PDCD6: variants seen among roughly 807,000 people sequenced by gnomAD.
The protein encoded by PDCD6 is programmed cell death protein 6.
Under a neutral mutation model 28.3 loss-of-function variants are expected in PDCD6, and 12 were observed. That is an observed-to-expected ratio of 0.42 (90% CI 0.27 to 0.69). The LOEUF (loss-of-function observed/expected upper bound fraction) is 0.69, where lower values mean the gene tolerates loss of function less well. PDCD6 is among the 30% of genes least tolerant of loss of function. The pLI is 0.22. For synonymous variants in PDCD6, 92 were observed against 108.0 expected (o/e 0.85, Z 0.92); for missense variants, 226 against 269.9 (o/e 0.84, Z 1.14).
intron 2 of PDCD6, among the ~76,000 whole-genome samples, chr5:302,751 T>A (rs1240263945): frequency 6.8e-6 from 1 of 147,998 alleles, no homozygotes; most frequent in Non-Finnish European, 1.5e-5. Flanking sequence ...GAGCACAGCT[T>A]CCCTGCATAA....
chr5:293,095 A>C, intron 2 of PDCD6, among the ~76,000 whole-genome samples: 2 of 151,210 alleles, frequency 1.3e-5, no homozygotes, highest in African/African-American at 2.4e-5. Flanking sequence ...CCCCATCAGC[A>C]CCTCCCCCTG....
intron 2 of PDCD6, chr5:273,198 C>A (rs989133154): frequency 1.6e-4 from 29 of 183,366 alleles, no homozygotes; most frequent in African/African-American, 3.3e-4. Context: ...CTCAGGCAGC[C>A]CTTGTATGGG....
At chr5:299,860 T>TG (rs1554007467) in intron 2 of PDCD6, among the ~76,000 whole-genome samples, 28 of 152,066 alleles carry the variant, frequency 1.8e-4, no homozygotes, top group African/African-American at 6.8e-4. Context: ...GTATTTTTTT[T>TG]TTTATTTTTT....
intron 2 of PDCD6, among the ~76,000 whole-genome samples, chr5:274,183 CCCT>C (rs1738033908): frequency 6.6e-6 from 1 of 152,192 alleles, no homozygotes; most frequent in African/African-American, 2.4e-5. Flanking sequence ...ACACGGAGTG[CCCT>C]CCTCAGAGGC....
chr5:302,407 CT>C (rs1204164970), intron 2 of PDCD6, among the ~76,000 whole-genome samples: 1 of 94,296 alleles, frequency 1.1e-5, no homozygotes, highest in Non-Finnish European at 1.9e-5. Flanking sequence ...GTGTGTATGC[CT>C]CAGGTTCAGG....
chr5:314,674 T>A lies in PDCD6; in HGVS notation c.*159T>A, dbSNP rs1300558294. On this transcript the variant is annotated 3_prime_UTR_variant, in exon 6 of 6. Transcript: ENST00000264933. ...GTACATATGTGGATAAGCTGATTAA[T>A]GGTTTTGCAACTGTAATAGTAGCTG... is the stretch of plus-strand genomic sequence containing the variant. The A allele has an allele frequency of 5.7e-6, 4 of 698,866 alleles. No homozygotes were observed. The highest frequency in any genetic ancestry group is 7.8e-6 in the Non-Finnish European group (3 of 382,806). 43.3% of individuals were successfully genotyped at this position (698,866 alleles called of 1,614,324 possible).
At chr5:297,712 GC>G (rs910365882) in intron 2 of PDCD6, among the ~76,000 whole-genome samples, 40 of 152,234 alleles carry the variant, frequency 2.6e-4, no homozygotes, top group African/African-American at 9.6e-4. Context: ...ATGACACCAG[GC>G]CTCCTGGTGA....
At chr5:278,692 G>T (rs1187057487) in intron 2 of PDCD6, among the ~76,000 whole-genome samples, 1 of 150,816 alleles carries the variant, frequency 6.6e-6, no homozygotes, top group African/African-American at 2.4e-5. Context: ...CAGCCTGGGT[G>T]ACAGAGCCAG....
rs1445812754 is a variant in PDCD6 at position 305,629 on chromosome 5, G to A, written c.209-973G>A. 2.0e-5 allele frequency: 3 copies of A among 152,228 alleles called. No homozygotes were observed. Among genetic ancestry groups the A allele is most frequent in the Non-Finnish European group, 4.4e-5 (3 of 68,044 alleles). The allele number at this position is 152,228 out of a possible 1,614,324, so 9.4% of individuals were successfully genotyped here. A position where few individuals can be genotyped will look rare whatever the true frequency, so the allele number is the denominator to read the frequency against. On this transcript the variant is annotated intron_variant, in intron 3 of 5. Transcript: ENST00000264933. The surrounding 1 kb of genome is among the most constrained non-coding windows in gnomAD (Gnocchi z 4.0). The stretch of plus-strand genomic sequence containing the variant: ...GCTCACCCAGCATCCTTCCCTGCTG[G>A]TGTGTGGTGCGCAGTGGGTCCTGCA...
rs1398105025 is a variant in PDCD6 at position 304,076 on chromosome 5, G to C, written c.164-101G>C. On this transcript the variant is annotated intron_variant, in intron 2 of 5. Transcript: ENST00000264933. The stretch of plus-strand genomic sequence containing the variant: ...GTGTCTAGAAAACCACTACCTTAGA[G>C]CCCCCACTGCTTTTCCTGGTGCCTC... 31 of 1,499,192 alleles carry C rather than the reference G, an allele frequency of 2.1e-5. 1 individual carries two copies. Among genetic ancestry groups the C allele is most frequent in the Non-Finnish European group, 2.8e-5 (31 of 1,108,866 alleles). 92.9% of individuals were successfully genotyped at this position (1,499,192 alleles called of 1,614,324 possible).
Position 307,392 on chromosome 5 carries a change from G to A in PDCD6, c.367+632G>A, listed in dbSNP as rs1040952009. 1.3e-5 allele frequency among the ~76,000 whole-genome samples: 2 copies of A among 151,200 alleles called. No individual in the cohort carries two copies. Among genetic ancestry groups the A allele is most frequent in the African/African-American group, 4.8e-5 (2 of 41,258 alleles). On this transcript the variant is annotated intron_variant, in intron 4 of 5. Transcript: ENST00000264933. The surrounding 1 kb of genome is among the most constrained non-coding windows in gnomAD (Gnocchi z 6.1). ...GTGTGCCGTGCGCCTCAGAAGGGGCGTTAGGCAGAACGCGTGCCCATTCTC... is the reference window on the plus strand; with the variant it reads ...GTGTGCCGTGCGCCTCAGAAGGGGCATTAGGCAGAACGCGTGCCCATTCTC...
chr5:295,612 T>C (rs1279823421), intron 2 of PDCD6, among the ~76,000 whole-genome samples: 1 of 147,622 alleles, frequency 6.8e-6, no homozygotes, highest in Non-Finnish European at 1.5e-5. Flanking sequence ...TTCTCCGTGA[T>C]GTTGCAGGAA....
At chr5:275,572 A>G (rs1460498710) in intron 2 of PDCD6, among the ~76,000 whole-genome samples, 2 of 152,238 alleles carry the variant, frequency 1.3e-5, no homozygotes, top group Non-Finnish European at 2.9e-5. Flanking sequence ...ACTTTATGAC[A>G]TAGTCTTAGA....
chr5:304,945 GCCT>G (rs1251755067), intron 3 of PDCD6: 1 of 152,200 alleles, frequency 6.6e-6, no homozygotes, highest in African/African-American at 2.4e-5. Flanking sequence ...TCCTGCCTCA[GCCT>G]CCCAAAAAGT....
chr5:307,256 C>T lies in PDCD6; in HGVS notation c.367+496C>T, dbSNP rs1170652790. Among the ~76,000 whole-genome samples, 1 of 114,594 alleles carries T rather than the reference C, an allele frequency of 8.7e-6. No individual in the cohort carries two copies. Among genetic ancestry groups the T allele is most frequent in the African/African-American group, 4.9e-5 (1 of 20,338 alleles). 75.2% of individuals were successfully genotyped at this position (114,594 alleles called of 152,430 possible). On this transcript the variant is annotated intron_variant, in intron 4 of 5. Coordinates refer to ENST00000264933, the MANE Select transcript of PDCD6 (RefSeq NM_013232.4). The surrounding 1 kb of genome is among the most constrained non-coding windows in gnomAD (Gnocchi z 6.1). ...TGTGTGTGCTCGGCGTGTGTGTGCT[C>T]GGCGTGTGTGTGCACACGTGTGCCG...
At chr5:284,831 G>A (rs1738837176) in intron 2 of PDCD6, among the ~76,000 whole-genome samples, 1 of 151,902 alleles carries the variant, frequency 6.6e-6, no homozygotes, top group South Asian at 2.1e-4. Flanking sequence ...ACCCGGGGGG[G>A]AGAAGATATT....
intron 2 of PDCD6, among the ~76,000 whole-genome samples, chr5:282,732 T>C (rs62345231): frequency 6.2e-3 from 628 of 101,434 alleles, no homozygotes; most frequent in Middle Eastern, 0.024. Flanking sequence ...TTTAGGGTCA[T>C]GGAACTGGAG....
chr5:290,262 C>A (rs1363439595), intron 2 of PDCD6: 1 of 1,500,600 alleles, frequency 6.7e-7, no homozygotes. Context: ...ACAGGACAAA[C>A]TTCCTTTTTC....
At chr5:277,299 GTAT>G (rs753518068) in intron 2 of PDCD6, among the ~76,000 whole-genome samples, 14 of 99,820 alleles carry the variant, frequency 1.4e-4, no homozygotes, top group South Asian at 1.1e-3. Flanking sequence ...CTAATTTTTT[GTAT>G]TTTTTTTTTT....
Sources: allele counts gnomAD v4.1 joint callset (sites outside exome capture counted in the v4.1 genomes callset), GRCh38; gene constraint gnomAD v4.1.1; non-coding constraint Gnocchi (gnomAD v3.1); transcripts MANE v1.5; gene names NCBI Gene and HGNC (gene_info 2026-07-23, HGNC 2026-07-21).